PCDHA2: variants seen among roughly 807,000 people sequenced by gnomAD.
PCDHA2 encodes protocadherin alpha 2.
In PCDHA2, 58 loss-of-function variants were observed where a neutral mutation model predicts 66.0. That is an observed-to-expected ratio of 0.88 (90% confidence interval 0.71 to 1.09). The LOEUF (loss-of-function observed/expected upper bound fraction) is 1.09, where lower values mean the gene tolerates loss of function less well. PCDHA2 is among the 50% of genes least tolerant of loss of function. PCDHA2 has a pLI of 0.00. For synonymous variants in PCDHA2, 634 were observed against 554.0 expected (o/e 1.14, Z -2.03); for missense variants, 1,267 against 1,242.3 (o/e 1.02, Z -0.30).
intron 1 of PCDHA2, chr5:140,805,788 G>A (rs1234435404): frequency 1.1e-5 from 2 of 179,986 alleles, no homozygotes; most frequent in Non-Finnish European, 2.1e-5. Flanking sequence ...GACTTTTTTT[G>A]TATCTTTAGA....
chr5:140,877,150 G>A (rs370292278), intron 1 of PCDHA2: 11 of 1,613,672 alleles, frequency 6.8e-6, no homozygotes, highest in Admixed American at 3.3e-5. Context: ...GGACGAGAAC[G>A]ACAACGCGCC....
intron 1 of PCDHA2, among the ~76,000 whole-genome samples, chr5:140,974,396 G>A (rs1413050341): frequency 6.6e-6 from 1 of 152,178 alleles, no homozygotes; most frequent in Non-Finnish European, 1.5e-5. Context: ...CATTAGGTAT[G>A]TTCTAAAGTT....
Position 140,796,791 on chromosome 5 carries a change from C to A in PCDHA2, c.1827C>A (p.Tyr609Ter), listed in dbSNP as rs375837956. Residue 609 changes from tyrosine (Y) to a stop codon, truncating the protein, a stop_gained, in exon 1 of 4, where the codon TAC (tyrosine) becomes TAA (stop). Transcript: ENST00000526136. LOFTEE classifies it high-confidence loss of function. Reference protein sequence around the residue: ...ADSGYNAWLSYELQLGTGSAR... With the variant: ...ADSGYNAWLS Reference sequence around the variant, plus strand: ...CAGGCTACAACGCGTGGCTTTCGTACGAGCTTCAGCTGGGTACTGGCAGCG... The same window carrying A: ...CAGGCTACAACGCGTGGCTTTCGTAAGAGCTTCAGCTGGGTACTGGCAGCG... 6.2e-7 allele frequency: 1 copy of A among 1,614,156 alleles called. No individual in the cohort carries two copies. Among genetic ancestry groups the A allele is most frequent in the Non-Finnish European group, 8.5e-7 (1 of 1,179,974 alleles).
At chr5:141,009,551 C>G (rs551736337) in intron 3 of PCDHA2, 76 bp from the exon 4 acceptor site, 1 of 1,561,992 alleles carries the variant, frequency 6.4e-7, no homozygotes, top group East Asian at 2.2e-5. Flanking sequence ...ATGCAGTACT[C>G]CTGTACTCTA....
intron 1 of PCDHA2, chr5:140,828,396 G>T (rs1769734688): frequency 1.2e-6 from 2 of 1,614,160 alleles, no homozygotes; most frequent in South Asian, 1.1e-5. Context: ...AGCGCGGAGT[G>T]CAGCATCCAC....
At chr5:140,816,902 C>G (rs564991334) in intron 1 of PCDHA2, 1 of 152,062 alleles carries the variant, frequency 6.6e-6, no homozygotes, top group African/African-American at 2.4e-5. Flanking sequence ...TTCTGAGAAG[C>G]CCTCAGTTAT....
At chr5:140,883,911 A>G (rs2059884661) in intron 1 of PCDHA2, 2 of 1,613,034 alleles carry the variant, frequency 1.2e-6, no homozygotes, top group Non-Finnish European at 8.5e-7. Flanking sequence ...CTGGGCAGCA[A>G]CGTGACGCTG....
At chr5:140,987,722 T>C (rs2097265966) in intron 3 of PCDHA2, among the ~76,000 whole-genome samples, 1 of 152,204 alleles carries the variant, frequency 6.6e-6, no homozygotes, top group Admixed American at 6.5e-5. Context: ...GAGTCTATCC[T>C]ACAGCTTCAA....
chr5:140,837,156 A>G (rs1554136407), intron 1 of PCDHA2: 1 of 153,056 alleles, frequency 6.5e-6, no homozygotes, highest in Non-Finnish European at 1.5e-5. Context: ...TTTATAAAAT[A>G]TAGCTGTGTC....
At chr5:140,967,624 G>C (rs950749188) in intron 1 of PCDHA2, 1 of 1,614,158 alleles carries the variant, frequency 6.2e-7, no homozygotes, top group Non-Finnish European at 8.5e-7. Flanking sequence ...ACCCGGATGA[G>C]GGCTCCAATG....
intron 1 of PCDHA2, chr5:140,968,785 T>G: frequency 6.2e-7 from 1 of 1,614,226 alleles, no homozygotes; most frequent in Non-Finnish European, 8.5e-7. Flanking sequence ...TATCAGCCTC[T>G]GTGGCCATTA....
Position 140,845,283 on chromosome 5 carries a change from C to G in PCDHA2, c.2388+47931C>G, listed in dbSNP as rs1279149286. ...TTTTCCTTTGTGAAAGTAATATTTC[C>G]TATCCTGTCTATGTCTACCTGGTTC... On this transcript the variant is annotated intron_variant, in intron 1 of 3. Coordinates refer to ENST00000526136, the MANE Select transcript of PCDHA2 (RefSeq NM_018905.3). Among the ~76,000 whole-genome samples, 6 of 149,008 alleles carry G rather than the reference C, an allele frequency of 4.0e-5. No individual in the cohort carries two copies. The South Asian group carries it at 1.1e-3, about 26-fold the overall frequency.
At chr5:140,851,697 TC>T in intron 1 of PCDHA2, 1 of 942,168 alleles carries the variant, frequency 1.1e-6, no homozygotes, top group Non-Finnish European at 1.3e-6. Flanking sequence ...GATAAAATGA[TC>T]AGCCATGTGA....
chr5:140,857,878 G>A (rs2044977263), intron 1 of PCDHA2: 5 of 1,597,814 alleles, frequency 3.1e-6, no homozygotes, highest in East Asian at 4.5e-5. Context: ...CGTATGAATT[G>A]CAGTCGGCGG....
chr5:140,796,014 C>G lies in PCDHA2; in HGVS notation c.1050C>G (p.Val350=). ...LVDINDNTPE[V]SITSLSLPIS... Reference sequence around the variant, plus strand: ...ACATCAATGATAACACACCAGAAGTCTCAATAACGTCTCTCTCACTTCCCA... The same window carrying G: ...ACATCAATGATAACACACCAGAAGTGTCAATAACGTCTCTCTCACTTCCCA... Residue 350 remains valine, a synonymous_variant, in exon 1 of 4, where the codon GTC becomes GTG. Coordinates refer to ENST00000526136, the MANE Select transcript of PCDHA2 (RefSeq NM_018905.3). The G allele has an allele frequency of 6.2e-7, 1 of 1,614,152 alleles. No homozygotes were observed. Among genetic ancestry groups the G allele is most frequent in the Non-Finnish European group, 8.5e-7 (1 of 1,179,970 alleles).
At chr5:140,947,642 C>T (rs62384502) in intron 1 of PCDHA2, among the ~76,000 whole-genome samples, 2 of 151,520 alleles carry the variant, frequency 1.3e-5, no homozygotes, top group East Asian at 1.9e-4. Context: ...ATCGTATGAA[C>T]ATATATACCT....
chr5:140,822,805 G>T (rs2150119492), intron 1 of PCDHA2: 2 of 1,614,160 alleles, frequency 1.2e-6, no homozygotes, highest in Non-Finnish European at 1.7e-6. Context: ...GGATGTGAAT[G>T]ATAATACCCC....
chr5:140,851,940 G>A (rs1431345124), intron 1 of PCDHA2: 2 of 966,626 alleles, frequency 2.1e-6, no homozygotes, highest in Non-Finnish European at 2.5e-6. Flanking sequence ...ATTGTAGTAT[G>A]TGACTTTCAA....
chr5:140,863,352 G>T (rs568992628), intron 1 of PCDHA2: 16 of 1,288,838 alleles, frequency 1.2e-5, no homozygotes, highest in Non-Finnish European at 1.6e-5. Context: ...TGTACACGAC[G>T]CTGCGGTGCT....
Sources: gnomAD v4.1 joint callset for allele counts (sites outside exome capture counted in the v4.1 genomes callset) on GRCh38, gnomAD v4.1.1 for gene constraint, MANE v1.5 for transcripts, NCBI Gene and HGNC (gene_info 2026-07-23, HGNC 2026-07-21) for gene names.